TEK: variants seen among roughly 807,000 people sequenced by gnomAD.
TEK encodes TEK receptor tyrosine kinase.
Under a neutral mutation model 131.8 loss-of-function variants are expected in TEK, and 43 were observed. That is an observed-to-expected ratio of 0.33 (90% confidence interval 0.26 to 0.42). The LOEUF is 0.42. Ranked by LOEUF, TEK falls within the 10% of genes least tolerant of loss-of-function variation. The probability of loss-of-function intolerance (pLI) is 1.00; values close to 1 mark genes in which losing one functional copy is unlikely to be tolerated. For synonymous variants in TEK, 580 were observed against 491.6 expected, an observed-to-expected ratio of 1.18 and a Z score of -2.38; for missense variants, 1,162 against 1,384.4, an observed-to-expected ratio of 0.84 and a Z score of 2.55.
chr9:27,149,641 T>C (rs1158588229), intron 1 of TEK, among the ~76,000 whole-genome samples: 2 of 152,200 alleles, frequency 1.3e-5, no homozygotes, highest in African/African-American at 4.8e-5. Flanking sequence ...TCTTGCTTAT[T>C]CTCCTCTTTG....
rs146366843 is a variant in TEK, at chr9:27,124,116, T to TA, written c.52+14475dup. Among the ~76,000 whole-genome samples, 423 of 152,324 alleles carry TA rather than the reference T, an allele frequency of 2.8e-3. 8 individuals are homozygous for TA. The East Asian group carries it at 0.069, about 25-fold the overall frequency. ...AAAGAGCATGGAAGGCAATGTAAAT[T>TA]ACAGCTTAATGCACGTACAGTGTAG... is the stretch of plus-strand genomic sequence containing the variant. On this transcript the variant is annotated intron_variant, in intron 1 of 22. Coordinates refer to ENST00000380036, the MANE Select transcript of TEK (RefSeq NM_000459.5).
At position 27,220,200 on chromosome 9, in the gene TEK, C is replaced by G. The variant is rs1826007143; in HGVS notation, c.3200+55C>G. On this transcript the variant is annotated intron_variant, in intron 21 of 22. Transcript: ENST00000380036. ...TGTCTTACCTTCCCCCTGTGTGTTT[C>G]TGGGGCCAGCTGACTCTAGCAAAGT... The G allele has an allele frequency of 3.2e-6, 5 of 1,564,668 alleles. No individual in the cohort carries two copies. In the East Asian group the frequency reaches 9.0e-5, roughly 28 times the overall value.
At chr9:27,118,751 G>A (rs957934760) in intron 1 of TEK, among the ~76,000 whole-genome samples, 1 of 152,092 alleles carries the variant, frequency 6.6e-6, no homozygotes, top group African/African-American at 2.4e-5. Flanking sequence ...GCCAATCACT[G>A]GTCACAGAAT....
In TEK at chr9:27,203,007, C is replaced by A. The variant is rs893562705; in HGVS notation, c.2097C>A (p.Leu699=). The part of the protein sequence containing the change: ...IKNATITQYQ[L]KGLEPETAYQ... ...ATGCCACCATCACTCAGTATCAGCT[C>A]AAGGGCCTAGAGCCTGAAACAGCAT... Residue 699 remains leucine (L), a synonymous_variant, in exon 13 of 23, where the codon CTC becomes CTA. Coordinates refer to ENST00000380036, the MANE Select transcript of TEK (RefSeq NM_000459.5). 2.5e-6 allele frequency: 4 copies of A among 1,614,092 alleles called. No homozygotes were observed. The highest frequency in any genetic ancestry group is 3.4e-6 in the Non-Finnish European group (4 of 1,179,992).
chr9:27,144,822 G>C (rs978650255), intron 1 of TEK, among the ~76,000 whole-genome samples: 1 of 152,172 alleles, frequency 6.6e-6, no homozygotes, highest in African/African-American at 2.4e-5. Context: ...CTGGAGAACT[G>C]TGCTTCAGAA....
Position 27,176,241 on chromosome 9 carries a change from T to C in TEK, c.901+2879T>C, listed in dbSNP as rs142440496. Among the ~76,000 whole-genome samples, 379 of 152,328 alleles carry C rather than the reference T, an allele frequency of 2.5e-3. 3 individuals are homozygous for C. The highest frequency in any genetic ancestry group is 0.01 in the Middle Eastern group (3 of 294). On this transcript the variant is annotated intron_variant, in intron 6 of 22. Coordinates refer to ENST00000380036, the MANE Select transcript of TEK (RefSeq NM_000459.5). ...AGTTTTATGTATCAGGGCTGGTTTC[T>C]ATCTGAGGAAATAAGCAATAATAGA... is the stretch of plus-strand genomic sequence containing the variant.
rs79160728 is a variant in TEK at position 27,159,415 on chromosome 9, A to T, written c.364+1273A>T. On this transcript the variant is annotated intron_variant, in intron 2 of 22. Transcript: ENST00000380036. Reference sequence around the variant, plus strand: ...TAGTATCAGAGTGAGAGGGCACTACAAACTGAAATGACAAAGAGTCAGGGA... The same window carrying T: ...TAGTATCAGAGTGAGAGGGCACTACTAACTGAAATGACAAAGAGTCAGGGA... Among the ~76,000 whole-genome samples, 113 of 152,324 alleles carry T rather than the reference A, an allele frequency of 7.4e-4. 4 individuals are homozygous for T. The East Asian group carries it at 0.018, about 25-fold the overall frequency.
intron 1 of TEK, among the ~76,000 whole-genome samples, chr9:27,123,803 G>A (rs1821888364): frequency 6.8e-6 from 1 of 147,684 alleles, no homozygotes; most frequent in Admixed American, 6.7e-5. Flanking sequence ...TTTTGAGATA[G>A]TCTCACTGTG....
chr9:27,121,251 G>A (rs1330693087), intron 1 of TEK, among the ~76,000 whole-genome samples: 8 of 152,132 alleles, frequency 5.3e-5, no homozygotes, highest in Admixed American at 5.2e-4. Flanking sequence ...CACTTAACCC[G>A]GGAGGCAGAG....
intron 1 of TEK, among the ~76,000 whole-genome samples, chr9:27,126,649 A>G (rs1822001239): frequency 6.6e-6 from 1 of 152,226 alleles, no homozygotes. Context: ...CACAGACCAG[A>G]GAGAAACTGC....
intron 9 of TEK, among the ~76,000 whole-genome samples, chr9:27,186,631 A>G (rs967035968): frequency 7.9e-5 from 12 of 152,170 alleles, no homozygotes; most frequent in Non-Finnish European, 1.5e-4. Context: ...TTAAACCTGG[A>G]TCTTCTGACT....
At chr9:27,186,671 T>C (rs568023729) in intron 9 of TEK, among the ~76,000 whole-genome samples, 16 of 152,176 alleles carry the variant, frequency 1.1e-4, no homozygotes, top group Non-Finnish European at 1.8e-4. Context: ...TTCTGGACCA[T>C]TTTGCTTTCT....
At chr9:27,179,904 G>C (rs886173673) in intron 6 of TEK, among the ~76,000 whole-genome samples, 4 of 152,144 alleles carry the variant, frequency 2.6e-5, no homozygotes, top group African/African-American at 4.8e-5. Context: ...TGAAAATTGG[G>C]AAACACATCA....
chr9:27,124,317 G>C (rs1474937113), intron 1 of TEK, among the ~76,000 whole-genome samples: 29 of 152,216 alleles, frequency 1.9e-4, no homozygotes, highest in Admixed American at 1.9e-3. Context: ...CTCTGCTTCA[G>C]GTTGCAGCAG....
intron 16 of TEK, 117 bp from the exon 17 acceptor site, chr9:27,212,590 T>C (rs1825676171): frequency 1.9e-6 from 2 of 1,072,630 alleles, no homozygotes; most frequent in Non-Finnish European, 1.4e-6. Flanking sequence ...TGGGTGGTGT[T>C]GCTAGATGTG....
At chr9:27,192,728 T>TG in intron 11 of TEK, 105 bp downstream of exon 11, 18 of 161,290 alleles carry the variant, frequency 1.1e-4, no homozygotes, top group Admixed American at 4.6e-4. Context: ...AGTGGGTGGG[T>TG]GGGGATGGAG....
At position 27,201,332 on chromosome 9, in the gene TEK, C is replaced by T. The variant is rs7044182; in HGVS notation, c.1910-1488C>T. Reference sequence around the variant, plus strand: ...AACAAGCTTCTAAAAGACACTGCTGCTTTTTGTGACAGGCTTAGAAGACCA... The same window carrying T: ...AACAAGCTTCTAAAAGACACTGCTGTTTTTTGTGACAGGCTTAGAAGACCA... On this transcript the variant is annotated intron_variant, in intron 12 of 22. Transcript: ENST00000380036. 6.1e-3 allele frequency among the ~76,000 whole-genome samples: 923 copies of T among 152,232 alleles called. 7 individuals carry two copies. The highest frequency in any genetic ancestry group is 0.021 in the African/African-American group (882 of 41,536).
intron 1 of TEK, among the ~76,000 whole-genome samples, chr9:27,142,055 C>T (rs1477081058): frequency 8.6e-5 from 13 of 151,926 alleles, no homozygotes; most frequent in Non-Finnish European, 1.5e-5. Context: ...TCACAATGTC[C>T]AGGAAAGGAA....
chr9:27,122,835 C>T (rs760626635), intron 1 of TEK, among the ~76,000 whole-genome samples: 3 of 151,788 alleles, frequency 2.0e-5, no homozygotes, highest in Non-Finnish European at 2.9e-5. Flanking sequence ...AGCTAGATCA[C>T]GAGGTCAGGA....
Sources: gnomAD v4.1 joint callset for allele counts (sites outside exome capture counted in the v4.1 genomes callset) on GRCh38, gnomAD v4.1.1 for gene constraint, MANE v1.5 for transcripts, NCBI Gene and HGNC (gene_info 2026-07-23, HGNC 2026-07-21) for gene names.